CDH12: variants seen among roughly 807,000 people sequenced by gnomAD.
CDH12 encodes cadherin 12.
A neutral mutation model predicts 74.1 loss-of-function variants in CDH12; 41 were observed. The ratio of observed to expected loss-of-function variants is 0.55; its 90% CI spans 0.43 to 0.72. The LOEUF is 0.72. CDH12 is among the 30% of genes least tolerant of loss of function. The pLI, the probability that CDH12 is intolerant of heterozygous loss-of-function variation, is 0.00. For missense variants in CDH12, 945 were observed against 977.2 expected (o/e 0.97, Z 0.44); for synonymous variants, 399 against 355.0 (o/e 1.12, Z -1.39).
chr5:21,806,001 T>C (rs1024515667), intron 9 of CDH12, among the ~76,000 whole-genome samples: 11 of 152,110 alleles, frequency 7.2e-5, no homozygotes, highest in Non-Finnish European at 1.5e-4. Context: ...AAGGGAAGAC[T>C]AGTGGCACCA....
chr5:22,018,633 G>T (rs1737761792), intron 5 of CDH12, among the ~76,000 whole-genome samples: 1 of 152,158 alleles, frequency 6.6e-6, no homozygotes, highest in South Asian at 2.1e-4. Flanking sequence ...GTTTATGGTT[G>T]TTACATAAAA....
At chr5:22,132,434 T>C (rs1244365388) in intron 4 of CDH12, among the ~76,000 whole-genome samples, 1 of 152,022 alleles carries the variant, frequency 6.6e-6, no homozygotes, top group Admixed American at 6.6e-5. Flanking sequence ...GCCACAGTTA[T>C]ATTACGCATC....
At chr5:22,250,426 C>T (rs1012013234) in intron 3 of CDH12, among the ~76,000 whole-genome samples, 2 of 152,134 alleles carry the variant, frequency 1.3e-5, no homozygotes, top group Non-Finnish European at 2.9e-5. Flanking sequence ...GGGCTGTGAT[C>T]AGAATCCCTA....
At chr5:22,249,090 A>C (rs1015542880) in intron 3 of CDH12, among the ~76,000 whole-genome samples, 9 of 152,146 alleles carry the variant, frequency 5.9e-5, no homozygotes, top group Non-Finnish European at 1.0e-4. Context: ...AATACCCCCC[A>C]AAATACTATA....
chr5:21,853,314 G>A (rs766482952), intron 7 of CDH12, among the ~76,000 whole-genome samples: 49 of 151,680 alleles, frequency 3.2e-4, no homozygotes, highest in Admixed American at 1.3e-3. Context: ...AATCAGAGGA[G>A]CTTCTTTGTC....
chr5:22,037,305 G>C (rs955195086), intron 5 of CDH12, among the ~76,000 whole-genome samples: 3 of 152,160 alleles, frequency 2.0e-5, no homozygotes, highest in Non-Finnish European at 4.4e-5. Context: ...AGAGGGGCCT[G>C]AGCAGAAGGA....
intron 1 of CDH12, among the ~76,000 whole-genome samples, chr5:22,812,316 A>G (rs1285419937): frequency 1.3e-5 from 2 of 152,148 alleles, no homozygotes; most frequent in Admixed American, 6.6e-5. Flanking sequence ...GGAAGGCATA[A>G]TACTTATCAT....
chr5:22,115,630 T>C (rs1364109017), intron 4 of CDH12, among the ~76,000 whole-genome samples: 1 of 152,072 alleles, frequency 6.6e-6, no homozygotes, highest in Non-Finnish European at 1.5e-5. Context: ...CCATTTCCTT[T>C]GTAGCAATAT....
chr5:22,151,930 C>T (rs926483549), intron 4 of CDH12: 3 of 151,914 alleles, frequency 2.0e-5, no homozygotes, highest in Non-Finnish European at 4.4e-5. Flanking sequence ...TGTAAAGAGA[C>T]CACCTTCACT....
Position 21,802,199 on chromosome 5 carries a change from A to C in CDH12, c.1224T>G (p.Ala408=). The C allele has an allele frequency of 6.2e-7, 1 of 1,613,836 alleles. No homozygotes were observed. The highest frequency in any genetic ancestry group is 8.5e-7 in the Non-Finnish European group (1 of 1,179,904). The part of the protein sequence containing the change: ...PVGTIIGAVT[A]QDLDVGSSAV... ...CACTGCTGCCTACATCCAGGTCTTG[A>C]GCAGTGACAGCGCCAATGATGGTCC... Residue 408 remains alanine, a synonymous_variant, in exon 10 of 15, where the codon GCT becomes GCG. Transcript: ENST00000382254.
chr5:22,680,962 A>T (rs558917636), intron 1 of CDH12, among the ~76,000 whole-genome samples: 1 of 152,076 alleles, frequency 6.6e-6, no homozygotes, highest in African/African-American at 2.4e-5. Flanking sequence ...CACATTCATT[A>T]GATTTTTAAA....
At chr5:22,128,526 A>T (rs1248488912) in intron 4 of CDH12, among the ~76,000 whole-genome samples, 2 of 152,202 alleles carry the variant, frequency 1.3e-5, no homozygotes, top group Admixed American at 6.5e-5. Context: ...ATGACAAAAA[A>T]TGTCCTTCAA....
At chr5:22,559,473 T>C (rs1371520610) in intron 1 of CDH12, among the ~76,000 whole-genome samples, 4 of 152,086 alleles carry the variant, frequency 2.6e-5, no homozygotes, top group Admixed American at 6.6e-5. Context: ...CACCAACATA[T>C]GCACATTTTC....
chr5:21,988,453 C>T (rs1302597983), intron 5 of CDH12, among the ~76,000 whole-genome samples: 3 of 131,046 alleles, frequency 2.3e-5, no homozygotes, highest in Admixed American at 1.8e-4. Flanking sequence ...GATCATTGCA[C>T]TGCACTCCAG....
intron 4 of CDH12, among the ~76,000 whole-genome samples, chr5:22,167,785 C>T (rs1233233277): frequency 1.3e-5 from 2 of 152,056 alleles, no homozygotes; most frequent in Non-Finnish European, 2.9e-5. Flanking sequence ...CTTAGGTCTG[C>T]TTTGTTAATG....
At chr5:22,794,282 T>C (rs1748074810) in intron 1 of CDH12, among the ~76,000 whole-genome samples, 1 of 152,198 alleles carries the variant, frequency 6.6e-6, no homozygotes, top group African/African-American at 2.4e-5. Flanking sequence ...AGGAGGTGGA[T>C]GACCAGTTTT....
At chr5:22,109,804 T>G (rs2150259073) in intron 4 of CDH12, among the ~76,000 whole-genome samples, 1 of 152,246 alleles carries the variant, frequency 6.6e-6, no homozygotes, top group Admixed American at 6.5e-5. Context: ...AGTCCCAGCT[T>G]AGTGAAAAAT....
intron 3 of CDH12, among the ~76,000 whole-genome samples, chr5:22,386,013 C>T (rs930690255): frequency 6.6e-6 from 1 of 151,698 alleles, no homozygotes; most frequent in Non-Finnish European, 1.5e-5. Flanking sequence ...CTGCCTCAGC[C>T]TCCTGAGTAG....
intron 6 of CDH12, among the ~76,000 whole-genome samples, chr5:21,902,755 T>A (rs1753452068): frequency 6.6e-6 from 1 of 151,852 alleles, no homozygotes; most frequent in South Asian, 2.1e-4. Flanking sequence ...TTTGTTCAAT[T>A]TTTTTTAAAA....
Sources: allele counts gnomAD v4.1 joint callset (sites outside exome capture counted in the v4.1 genomes callset), GRCh38; gene constraint gnomAD v4.1.1; transcripts MANE v1.5; gene names NCBI Gene and HGNC (gene_info 2026-07-23, HGNC 2026-07-21).